SYNE1: variants seen among roughly 807,000 people sequenced by gnomAD.
The protein encoded by SYNE1 is spectrin repeat containing nuclear envelope protein 1.
A neutral mutation model predicts 1,111.0 loss-of-function variants in SYNE1; 616 were observed. The observed-to-expected ratio is 0.55, with a 90% CI of 0.52 to 0.59. The LOEUF is 0.59. Among genes scored for constraint, SYNE1 ranks in the 20% least tolerant of loss-of-function variants. The pLI is 0.00. For missense variants in SYNE1, 10,006 were observed against 10,417.0 expected, an observed-to-expected ratio of 0.96 and a Z score of 1.72; for synonymous variants, 3,855 against 3,825.8, an observed-to-expected ratio of 1.01 and a Z score of -0.28.
At chr6:152,531,388 T>A (rs145162426) in intron 4 of SYNE1, among the ~76,000 whole-genome samples, 14 of 152,208 alleles carry the variant, frequency 9.2e-5, no homozygotes, top group African/African-American at 3.4e-4. Context: ...TGAACAGAAA[T>A]GTGTTCTAGT....
chr6:152,127,046 G>A (rs2053705346), intron 145 of SYNE1: 1 of 152,092 alleles, frequency 6.6e-6, no homozygotes, highest in Admixed American at 6.5e-5. Flanking sequence ...AGTGTTTCCT[G>A]GATATATGGT....
chr6:152,449,349 C>T (rs969277703), intron 28 of SYNE1, among the ~76,000 whole-genome samples, 184 bp downstream of exon 28: 2 of 152,170 alleles, frequency 1.3e-5, no homozygotes, highest in African/African-American at 4.8e-5. Flanking sequence ...CTCAAAGCTA[C>T]CAAGGATTCA....
At chr6:152,343,967 AC>A in intron 74 of SYNE1, 113 bp downstream of exon 74, 1 of 1,458,846 alleles carries the variant, frequency 6.9e-7, no homozygotes, top group Non-Finnish European at 9.5e-7. Flanking sequence ...CCTTCTTCCT[AC>A]TTTTAGATTC....
Position 152,164,247 on chromosome 6 carries a change from A to G in SYNE1, c.23706T>C (p.Ala7902=), listed in dbSNP as rs759131802. Residue 7902 remains alanine (A), a synonymous_variant, in exon 131 of 146, where the codon GCT becomes GCC. Coordinates refer to ENST00000367255, the MANE Select transcript of SYNE1 (RefSeq NM_182961.4). ...KNMSSLRTWL[A]HIESELAKPI... The stretch of plus-strand genomic sequence containing the variant: ...GCTTGGCCAGCTCTGACTCGATGTG[A>G]GCGAGCCAGGTCCTCAGGCTGCTCA... 4 of 1,614,134 alleles carry G rather than the reference A, an allele frequency of 2.5e-6. No homozygotes were observed. The highest frequency in any genetic ancestry group is 3.4e-6 in the Non-Finnish European group (4 of 1,180,030).
At chr6:152,217,095 CTTT>C (rs35171400) in intron 121 of SYNE1, among the ~76,000 whole-genome samples, 1 of 116,648 alleles carries the variant, frequency 8.6e-6, no homozygotes. Context: ...TAAGTAAAAC[CTTT>C]TTTTTTTTTT....
At chr6:152,532,028 G>T (rs866481531) in intron 4 of SYNE1, among the ~76,000 whole-genome samples, 1 of 152,252 alleles carries the variant, frequency 6.6e-6, no homozygotes. Flanking sequence ...AAGTGGAATT[G>T]CTGAACTACA....
chr6:152,243,280 T>G (rs1360691694), intron 106 of SYNE1, among the ~76,000 whole-genome samples: 2 of 152,192 alleles, frequency 1.3e-5, no homozygotes, highest in Non-Finnish European at 2.9e-5. Flanking sequence ...AACAATCATA[T>G]TTGGGACTAC....
chr6:152,514,054 G>A (rs943294597), intron 6 of SYNE1, among the ~76,000 whole-genome samples: 1 of 152,194 alleles, frequency 6.6e-6, no homozygotes, highest in African/African-American at 2.4e-5. Flanking sequence ...TTCAACCATT[G>A]TGGAAGACAG....
chr6:152,583,228 T>C (rs2099526405), intron 3 of SYNE1, among the ~76,000 whole-genome samples: 1 of 152,200 alleles, frequency 6.6e-6, no homozygotes, highest in Non-Finnish European at 1.5e-5. Context: ...TTGGGACTTC[T>C]AGTGTGCCCC....
At chr6:152,256,545 G>A in intron 102 of SYNE1, 89 bp downstream of exon 102, 1 of 1,564,010 alleles carries the variant, frequency 6.4e-7, no homozygotes, top group Non-Finnish European at 8.7e-7. Context: ...AGGGGTGGAT[G>A]CAACAGTCTC....
Position 152,352,017 on chromosome 6 carries a change from A to C in SYNE1, c.11580+10T>G. ...CTCTGCATGCATCTGTCAATGAGTA[A>C]ACACACTACCTTGTATTTAGATAAC... On this transcript the variant is annotated intron_variant, in intron 70 of 145. Coordinates refer to ENST00000367255, the MANE Select transcript of SYNE1 (RefSeq NM_182961.4). 1 of 1,613,366 alleles carries C rather than the reference A, an allele frequency of 6.2e-7. No individual in the cohort carries two copies. Among genetic ancestry groups the C allele is most frequent in the Non-Finnish European group, 8.5e-7 (1 of 1,179,814 alleles).
intron 63 of SYNE1, among the ~76,000 whole-genome samples, chr6:152,362,778 G>A (rs1014589861): frequency 6.6e-6 from 1 of 152,070 alleles, no homozygotes; most frequent in African/African-American, 2.4e-5. Flanking sequence ...TCAGAAAATC[G>A]TAATGAAATA....
chr6:152,180,478 C>T (rs919313602), intron 128 of SYNE1, among the ~76,000 whole-genome samples, 184 bp from the exon 129 acceptor site: 2 of 152,116 alleles, frequency 1.3e-5, no homozygotes, highest in African/African-American at 4.8e-5. Flanking sequence ...CTAGTTCTTT[C>T]CTGAAGATTC....
At chr6:152,465,896 G>T in intron 17 of SYNE1, 86 bp downstream of exon 17, 1 of 1,010,308 alleles carries the variant, frequency 9.9e-7, no homozygotes, top group Non-Finnish European at 1.6e-6. Context: ...TCCACGGACA[G>T]AAAGAATGAT....
At chr6:152,462,662 A>G in intron 20 of SYNE1, 76 bp downstream of exon 20, 1 of 1,580,478 alleles carries the variant, frequency 6.3e-7, no homozygotes, top group Non-Finnish European at 8.7e-7. Context: ...CAGCTTTTGC[A>G]ATGATCTGAA....
chr6:152,578,972 T>C (rs906195281), intron 3 of SYNE1, among the ~76,000 whole-genome samples: 1 of 152,234 alleles, frequency 6.6e-6, no homozygotes, highest in Non-Finnish European at 1.5e-5. Flanking sequence ...TGACTTCATA[T>C]GGCTATAACC....
chr6:152,384,598 G>A (rs911913191), intron 55 of SYNE1, among the ~76,000 whole-genome samples: 8 of 152,222 alleles, frequency 5.3e-5, no homozygotes, highest in Non-Finnish European at 1.0e-4. Flanking sequence ...TTCAGGGACC[G>A]GGCACCATGG....
At chr6:152,487,448 T>C (rs892123566) in intron 12 of SYNE1, among the ~76,000 whole-genome samples, 1 of 152,224 alleles carries the variant, frequency 6.6e-6, no homozygotes, top group Non-Finnish European at 1.5e-5. Context: ...CCAGTCTACA[T>C]TGATGGGCAT....
At chr6:152,133,247 C>A in intron 143 of SYNE1, 29 bp downstream of exon 143, 1 of 1,599,230 alleles carries the variant, frequency 6.3e-7, no homozygotes, top group African/African-American at 1.3e-5. Flanking sequence ...GTAAGAAATG[C>A]TACACGATGA....
Sources: allele counts gnomAD v4.1 joint callset (sites outside exome capture counted in the v4.1 genomes callset), GRCh38; gene constraint gnomAD v4.1.1; transcripts MANE v1.5; gene names NCBI Gene and HGNC (gene_info 2026-07-23, HGNC 2026-07-21).